The following PMS2 variants were observed in gnomAD, a reference collection of about 807,000 sequenced individuals.
PMS2 encodes PMS1 homolog 2, mismatch repair system component.
In PMS2, 69 loss-of-function variants were observed where a neutral mutation model predicts 90.0. The ratio of observed to expected loss-of-function variants is 0.77; its 90% CI spans 0.63 to 0.94. The LOEUF is 0.94. Among genes scored for constraint, PMS2 ranks in the 40% least tolerant of loss-of-function variants. The pLI, the probability that PMS2 is intolerant of heterozygous loss-of-function variation, is 0.00. For synonymous variants in PMS2, 332 were observed against 375.1 expected (o/e 0.89, Z 1.33); for missense variants, 966 against 1,040.2 (o/e 0.93, Z 0.98).
At chr7:5,983,137 G>C in intron 11 of PMS2, 146 bp from the exon 12 acceptor site, 5 of 1,297,482 alleles carry the variant, frequency 3.9e-6, no homozygotes, top group Non-Finnish European at 5.3e-6. Context: ...TTTTGAAACA[G>C]AGTCTCGTTC....
At position 5,986,979 on chromosome 7, in the gene PMS2, T is replaced by A; in HGVS notation, c.1786A>T (p.Asn596Tyr). The A allele has an allele frequency of 6.2e-7, 1 of 1,614,192 alleles. No individual in the cohort carries two copies. The highest frequency in any genetic ancestry group is 1.1e-5 in the South Asian group (1 of 91,084). Residue 596 changes from asparagine (N) to tyrosine (Y), a missense_variant, in exon 11 of 15, where the codon AAT becomes TAT. By Grantham distance (143) the Asn-to-Tyr change is moderately radical (BLOSUM62 -2). Coordinates refer to ENST00000265849, the MANE Select transcript of PMS2 (RefSeq NM_000535.7). ...TGAGAGGCTGACATGTCCTGAGTAT[T>A]TACTAACTTTTGACAAATGTCAGAA... ...SSSDICQKLVNTQDMSASQVD... is the reference protein window; with the variant it reads ...SSSDICQKLVYTQDMSASQVD...
intron 2 of PMS2, among the ~76,000 whole-genome samples, chr7:6,005,372 T>C (rs1391589849): frequency 6.6e-6 from 1 of 152,156 alleles, no homozygotes; most frequent in Non-Finnish European, 1.5e-5. Context: ...GTCCAGCTAA[T>C]TTTTGTATTT....
At chr7:6,002,291 AAAGTT>A (rs574402895) in intron 5 of PMS2, 157 bp downstream of exon 5, 63 of 628,318 alleles carry the variant, frequency 1.0e-4, no homozygotes, top group Admixed American at 1.6e-4. Flanking sequence ...AAATCATCCT[AAAGTT>A]AAGTCTTTAA....
chr7:5,978,470 C>T, intron 13 of PMS2, 126 bp downstream of exon 13: 2 of 1,099,916 alleles, frequency 1.8e-6, no homozygotes, highest in Non-Finnish European at 2.7e-6. Context: ...GGGGTTTCAC[C>T]ATGTTAGCCA....
At chr7:6,001,520 G>A (rs374455777) in intron 5 of PMS2, among the ~76,000 whole-genome samples, 2 of 152,114 alleles carry the variant, frequency 1.3e-5, no homozygotes, top group African/African-American at 4.8e-5. Flanking sequence ...ACAGGCACAT[G>A]CCACCATGCC....
chr7:5,984,434 C>T (rs1478032784), intron 11 of PMS2, among the ~76,000 whole-genome samples: 2 of 151,756 alleles, frequency 1.3e-5, no homozygotes, highest in Non-Finnish European at 2.9e-5. Context: ...AGTATCAGCG[C>T]GGTGATGACA....
At chr7:5,984,685 G>A (rs1439671051) in intron 11 of PMS2, among the ~76,000 whole-genome samples, 1 of 151,642 alleles carries the variant, frequency 6.6e-6, no homozygotes, top group Non-Finnish European at 1.5e-5. Flanking sequence ...CTTGGGAAAC[G>A]AAGGCAGAAG....
chr7:5,990,530 AT>A lies in PMS2; in HGVS notation c.989-576del, dbSNP rs573970295. Among the ~76,000 whole-genome samples the A allele has an allele frequency of 9.8e-5, 15 of 152,334 alleles. No homozygotes were observed. In the East Asian group the frequency reaches 2.3e-3, roughly 23 times the overall value. On this transcript the variant is annotated intron_variant, in intron 9 of 14. Coordinates refer to ENST00000265849, the MANE Select transcript of PMS2 (RefSeq NM_000535.7). The stretch of plus-strand genomic sequence containing the variant: ...AAAAGCAAATAAACACATAAAAATA[AT>A]TTTAAATATGCAAACTAAAATAAGA...
intron 9 of PMS2, 72 bp downstream of exon 9, chr7:5,991,901 A>G: frequency 1.2e-6 from 1 of 822,606 alleles, no homozygotes; most frequent in Non-Finnish European, 2.2e-6. Context: ...CAGTCATAGC[A>G]GAGCTGTAGA....
chr7:5,993,048 G>A (rs971779969), intron 8 of PMS2, among the ~76,000 whole-genome samples: 7 of 152,074 alleles, frequency 4.6e-5, no homozygotes, highest in Admixed American at 1.3e-4. Flanking sequence ...ACCACATCTG[G>A]CAGATTACAA....
rs1562663219 is a variant in PMS2 at position 5,995,523 on chromosome 7, AT to A, written c.903+10del. The A allele has an allele frequency of 1.9e-6, 3 of 1,598,634 alleles. No homozygotes were observed. The highest frequency in any genetic ancestry group is 1.7e-5 in the Admixed American group (1 of 59,984). The stretch of plus-strand genomic sequence containing the variant: ...ATAAAGAACAAACTAACACAAAAAA[AT>A]TTTAAATACCTTTGCTGGGTCACAA... On this transcript the variant is annotated intron_variant, in intron 8 of 14. Coordinates refer to ENST00000265849, the MANE Select transcript of PMS2 (RefSeq NM_000535.7).
chr7:5,993,147 G>T (rs1447049100), intron 8 of PMS2, among the ~76,000 whole-genome samples: 1 of 151,990 alleles, frequency 6.6e-6, no homozygotes, highest in South Asian at 2.1e-4. Context: ...AAGGCAGGTG[G>T]ATTGCCTGAG....
At chr7:6,002,321 T>C (rs1785172817) in intron 5 of PMS2, 132 bp downstream of exon 5, 3 of 708,450 alleles carry the variant, frequency 4.2e-6, no homozygotes, top group African/African-American at 3.5e-5. Flanking sequence ...AAATCTTTAA[T>C]GAGAAATGCA....
In PMS2 at chr7:6,004,288, G is replaced by C; in HGVS notation, c.164-230C>G. The C allele has an allele frequency of 1.2e-5, 5 of 404,898 alleles. No individual in the cohort carries two copies. In the South Asian group the frequency reaches 1.6e-4, roughly 13 times the overall value. The allele number at this position is 404,898 out of a possible 1,614,324, so 25.1% of individuals were successfully genotyped here. The stretch of plus-strand genomic sequence containing the variant: ...TTCTTTCCTCTTTTTTTTTCCCTAG[G>C]CTAGTGAAGTGAAGCAGTTGGAGTG... On this transcript the variant is annotated intron_variant, in intron 2 of 14. Transcript: ENST00000265849.
Position 5,999,281 on chromosome 7 carries a change from T to TA in PMS2, c.538-7dup, listed in dbSNP as rs1455766004. The TA allele has an allele frequency of 6.2e-7, 1 of 1,611,586 alleles. No homozygotes were observed. The highest frequency in any genetic ancestry group is 1.7e-5 in the Admixed American group (1 of 59,988). On this transcript the variant is annotated splice_polypyrimidine_tract_variant and splice_region_variant and intron_variant, in intron 5 of 14. Transcript: ENST00000265849. ...TGGACCATTTTGGCATACTCCTGTT[T>TA]AAAAAACACAAACACAATATTCTAC...
At chr7:6,000,003 G>C (rs1473714643) in intron 5 of PMS2, among the ~76,000 whole-genome samples, 1 of 152,038 alleles carries the variant, frequency 6.6e-6, no homozygotes, top group Non-Finnish European at 1.5e-5. Flanking sequence ...TTATGGTATA[G>C]CCATAGCGCA....
At chr7:5,981,702 T>C (rs1782297090) in intron 12 of PMS2, among the ~76,000 whole-genome samples, 1 of 151,620 alleles carries the variant, frequency 6.6e-6, no homozygotes, top group Admixed American at 6.6e-5. Flanking sequence ...TAACCAGTGA[T>C]CAACATTTTT....
chr7:5,995,663 A>G, intron 7 of PMS2, 30 bp from the exon 8 acceptor site: 1 of 1,439,158 alleles, frequency 6.9e-7, no homozygotes, highest in Non-Finnish European at 9.8e-7. Flanking sequence ...TAAGGGCAGG[A>G]TTCCAGAGTG....
At chr7:5,982,197 ATTTTTT>A (rs1359553238) in intron 12 of PMS2, among the ~76,000 whole-genome samples, 1 of 150,628 alleles carries the variant, frequency 6.6e-6, no homozygotes, top group Non-Finnish European at 1.5e-5. Context: ...TTGTATTTTT[ATTTTTT>A]ATCATTATTA....
Sources: allele counts gnomAD v4.1 joint callset (sites outside exome capture counted in the v4.1 genomes callset), GRCh38; gene constraint gnomAD v4.1.1; transcripts MANE v1.5; gene names NCBI Gene and HGNC (gene_info 2026-07-23, HGNC 2026-07-21).